The following IQGAP2 variants were observed in gnomAD, a reference collection of about 807,000 sequenced individuals.
IQGAP2 encodes IQ motif containing GTPase activating protein 2.
A neutral mutation model predicts 201.3 loss-of-function variants in IQGAP2; 173 were observed. The ratio of observed to expected loss-of-function variants is 0.86; its 90% CI spans 0.76 to 0.98. The LOEUF (loss-of-function observed/expected upper bound fraction) is 0.98, where lower values mean the gene tolerates loss of function less well. IQGAP2 is among the 50% of genes least tolerant of loss of function. IQGAP2 has a pLI of 0.00. For synonymous variants in IQGAP2, 675 were observed against 673.9 expected, an observed-to-expected ratio of 1.00 and a Z score of -0.03; for missense variants, 1,687 against 1,864.8, an observed-to-expected ratio of 0.90 and a Z score of 1.76.
At chr5:76,552,360 A>C (rs1029057457) in intron 2 of IQGAP2, among the ~76,000 whole-genome samples, 1 of 152,188 alleles carries the variant, frequency 6.6e-6, no homozygotes, top group African/African-American at 2.4e-5. Context: ...CCTCTCCAGA[A>C]CACATTCTCA....
chr5:76,510,472 A>G (rs1757895839), intron 2 of IQGAP2: 14 of 322,422 alleles, frequency 4.3e-5, no homozygotes, highest in South Asian at 3.5e-4. Flanking sequence ...GCAGCAGCAC[A>G]CAGGTGGCAG....
intron 12 of IQGAP2, chr5:76,608,077 G>C (rs1285258227): frequency 6.6e-6 from 1 of 152,184 alleles, no homozygotes; most frequent in Non-Finnish European, 1.5e-5. Flanking sequence ...CTTTGCTTTA[G>C]TTGGTTACTG....
At chr5:76,647,901 G>A (rs970847138) in intron 17 of IQGAP2, among the ~76,000 whole-genome samples, 9 of 151,926 alleles carry the variant, frequency 5.9e-5, no homozygotes, top group South Asian at 2.1e-4. Flanking sequence ...CCTGAATGGC[G>A]AGCCTGGACT....
intron 2 of IQGAP2, among the ~76,000 whole-genome samples, chr5:76,487,902 A>T (rs1369162743): frequency 6.6e-6 from 1 of 152,244 alleles, no homozygotes; most frequent in Non-Finnish European, 1.5e-5. Flanking sequence ...TGGTAGAACC[A>T]TATTGGGAAG....
chr5:76,477,634 T>G (rs890587532), intron 2 of IQGAP2, among the ~76,000 whole-genome samples: 11 of 152,186 alleles, frequency 7.2e-5, no homozygotes, highest in Non-Finnish European at 1.0e-4. Context: ...TTTATGTTAT[T>G]TTTAGAGTGA....
rs1487825655 is a variant in IQGAP2, at chr5:76,597,572, A to T, written c.1041A>T (p.Glu347Asp). Residue 347 changes from glutamate (E) to aspartate (D), a missense_variant, in exon 10 of 36, where the codon GAA becomes GAT. Transcript: ENST00000274364. ...YPFAAAMYQN[E>D]LFNLQKQNTM... is the part of the protein sequence containing the mutation. ...TTGCTGCTGCCATGTATCAGAACGA[A>T]CTTTTCAACCTCCAGAAACAGAACA... is the stretch of plus-strand genomic sequence containing the variant. 1 of 1,613,930 alleles carries T rather than the reference A, an allele frequency of 6.2e-7. No individual in the cohort carries two copies. Among genetic ancestry groups the T allele is most frequent in the East Asian group, 2.2e-5 (1 of 44,868 alleles).
chr5:76,592,939 C>T lies in IQGAP2; in HGVS notation c.907+14C>T, dbSNP rs374932821. 1.2e-5 allele frequency: 18 copies of T among 1,517,240 alleles called. No homozygotes were observed. Among genetic ancestry groups the T allele is most frequent in the African/African-American group, 8.2e-5 (6 of 72,886 alleles). The allele number at this position is 1,517,240 out of a possible 1,614,324, so 94.0% of individuals were successfully genotyped here. The stretch of plus-strand genomic sequence containing the variant: ...ATAAAGTCAACAGTAAGTAATGGAT[C>T]GTATGAAGGAAATTGATATTTCCGT... On this transcript the variant is annotated intron_variant, in intron 9 of 35. Coordinates refer to ENST00000274364, the MANE Select transcript of IQGAP2 (RefSeq NM_006633.5).
rs186722881 is a variant in IQGAP2, at chr5:76,668,861, G to A, written c.2843+17G>A. 9.5e-5 allele frequency: 143 copies of A among 1,498,966 alleles called. No individual in the cohort carries two copies. The East Asian group carries it at 2.8e-3, about 29-fold the overall frequency. 92.9% of individuals were successfully genotyped at this position (1,498,966 alleles called of 1,614,324 possible). On this transcript the variant is annotated intron_variant, in intron 23 of 35. Transcript: ENST00000274364. ...AGAAATAAAGTATGTATACAAATAT[G>A]TATGTAAAAATACCAGTGAATCAAT...
chr5:76,475,366 G>A (rs1463636229), intron 2 of IQGAP2, among the ~76,000 whole-genome samples: 1 of 152,180 alleles, frequency 6.6e-6, no homozygotes, highest in Non-Finnish European at 1.5e-5. Flanking sequence ...GGGTAACTAT[G>A]CCTAGGGATT....
chr5:76,438,035 G>GTTTTTTTTTTTTTTTTTTTTTTTT (rs71604291), intron 1 of IQGAP2, among the ~76,000 whole-genome samples: 1 of 68,602 alleles, frequency 1.5e-5, no homozygotes, highest in Non-Finnish European at 2.7e-5. Context: ...TTTTTTGTTT[G>GTTTTTTTTTTTTTTTTTTTTTTTT]TTTTTTTTTT....
At chr5:76,625,006 G>A (rs764989609) in intron 13 of IQGAP2, among the ~76,000 whole-genome samples, 6 of 152,104 alleles carry the variant, frequency 3.9e-5, no homozygotes, top group South Asian at 2.1e-4. Flanking sequence ...CCTGAGAGGC[G>A]GAGGTTGCAG....
intron 1 of IQGAP2, among the ~76,000 whole-genome samples, chr5:76,438,698 C>T (rs557429144): frequency 6.6e-6 from 1 of 152,170 alleles, no homozygotes; most frequent in South Asian, 2.1e-4. Context: ...CCACCTTGGC[C>T]TCCCAAAGTG....
intron 2 of IQGAP2, among the ~76,000 whole-genome samples, chr5:76,538,760 A>G (rs989188622): frequency 2.0e-5 from 3 of 151,976 alleles, no homozygotes; most frequent in African/African-American, 4.8e-5. Context: ...AAATCTCCTA[A>G]TGTTACATCC....
At chr5:76,657,015 G>C (rs947330086) in intron 20 of IQGAP2, among the ~76,000 whole-genome samples, 1 of 152,068 alleles carries the variant, frequency 6.6e-6, no homozygotes, top group Non-Finnish European at 1.5e-5. Flanking sequence ...TCAGTTGTAG[G>C]AGCAGACTAT....
At chr5:76,679,912 A>T (rs1561585341) in intron 28 of IQGAP2, among the ~76,000 whole-genome samples, 1 of 152,218 alleles carries the variant, frequency 6.6e-6, no homozygotes, top group South Asian at 2.1e-4. Context: ...ATACACAGAA[A>T]CTTTAGAAGA....
At chr5:76,647,033 A>T (rs901492522) in intron 17 of IQGAP2, among the ~76,000 whole-genome samples, 2 of 151,844 alleles carry the variant, frequency 1.3e-5, no homozygotes, top group Admixed American at 1.3e-4. Context: ...ATTTTTTTTT[A>T]AATCTTTAAT....
At chr5:76,420,767 T>A (rs1037170631) in intron 1 of IQGAP2, among the ~76,000 whole-genome samples, 1 of 152,216 alleles carries the variant, frequency 6.6e-6, no homozygotes, top group Non-Finnish European at 1.5e-5. Context: ...TAACCACCAT[T>A]CTACTTTCCA....
Position 76,563,280 on chromosome 5 carries a change from T to C in IQGAP2, c.303+728T>C, listed in dbSNP as rs542397955. ...AAGATCAACAATAAAAACCGCACTG[T>C]TATTTAAATTTAGAAGGAGGAGGGA... On this transcript the variant is annotated intron_variant, in intron 3 of 35. Coordinates refer to ENST00000274364, the MANE Select transcript of IQGAP2 (RefSeq NM_006633.5). Among the ~76,000 whole-genome samples, 13 of 152,286 alleles carry C rather than the reference T, an allele frequency of 8.5e-5. No individual in the cohort carries two copies. In the South Asian group the frequency reaches 2.7e-3, roughly 32 times the overall value.
chr5:76,563,793 C>G (rs932329790), intron 3 of IQGAP2, among the ~76,000 whole-genome samples: 2 of 152,074 alleles, frequency 1.3e-5, no homozygotes, highest in South Asian at 2.1e-4. Context: ...ATTTCTCTTA[C>G]AGCTGTAGGG....
Sources: allele counts gnomAD v4.1 joint callset (sites outside exome capture counted in the v4.1 genomes callset), GRCh38; gene constraint gnomAD v4.1.1; transcripts MANE v1.5; gene names NCBI Gene and HGNC (gene_info 2026-07-23, HGNC 2026-07-21).